Variants in SLC6A7 observed in about 807,000 individuals in gnomAD.
SLC6A7 encodes the protein sodium-dependent proline transporter.
Under a neutral mutation model 73.1 loss-of-function variants are expected in SLC6A7, and 58 were observed. The observed-to-expected ratio is 0.79, with a 90% CI of 0.64 to 0.99. SLC6A7 has a LOEUF of 0.99. Ranked by LOEUF, SLC6A7 falls within the 50% of genes least tolerant of loss-of-function variation. SLC6A7 has a pLI of 0.00. For synonymous variants in SLC6A7, 338 were observed against 338.7 expected (o/e 1.00, Z 0.02); for missense variants, 783 against 831.4 (o/e 0.94, Z 0.72).
At position 150,204,640 on chromosome 5, in the gene SLC6A7, A is replaced by C; in HGVS notation, c.1432+9A>C. The C allele has an allele frequency of 2.5e-6, 4 of 1,590,226 alleles. No homozygotes were observed. The highest frequency in any genetic ancestry group is 3.5e-6 in the Non-Finnish European group (4 of 1,158,134). On this transcript the variant is annotated intron_variant, in intron 11 of 13. Transcript: ENST00000230671. ...CGTGACACGGGTGTATGGTGAGAAG[A>C]GCCGTGGGAAGTGGAGTCGAGCTCT...
At chr5:150,192,729 T>A (rs1455765434) in intron 1 of SLC6A7, among the ~76,000 whole-genome samples, 2 of 152,052 alleles carry the variant, frequency 1.3e-5, no homozygotes, top group Admixed American at 1.3e-4. Context: ...CTAGTCACCA[T>A]GGAAACAGAG....
chr5:150,202,248 C>A, intron 6 of SLC6A7, 99 bp from the exon 7 acceptor site: 2 of 836,212 alleles, frequency 2.4e-6, no homozygotes, highest in Non-Finnish European at 4.1e-6. Context: ...CCCTCGTGAC[C>A]ACGCCATCCC....
chr5:150,205,698 A>G, intron 13 of SLC6A7, 75 bp downstream of exon 13: 2 of 1,303,116 alleles, frequency 1.5e-6, no homozygotes, highest in Non-Finnish European at 2.1e-6. Context: ...GCTAGAACAG[A>G]AAACATATGC....
chr5:150,193,118 T>A (rs910639535), intron 1 of SLC6A7, among the ~76,000 whole-genome samples: 1 of 152,234 alleles, frequency 6.6e-6, no homozygotes, highest in African/African-American at 2.4e-5. Context: ...CCTAGTTACT[T>A]TAAAAACAGC....
At chr5:150,198,099 GAAA>G (rs1330486173) in intron 4 of SLC6A7, among the ~76,000 whole-genome samples, 1,680 of 109,502 alleles carry the variant, frequency 0.015, 34 homozygotes, top group African/African-American at 0.024. Flanking sequence ...AAGAAAGAAA[GAAA>G]GAAAGAAAGA....
At position 150,190,229 on chromosome 5, in the gene SLC6A7, G is replaced by A. The variant is rs1237794054; in HGVS notation, c.-99G>A. 9.5e-7 allele frequency: 1 copy of A among 1,050,528 alleles called. No individual in the cohort carries two copies. The highest frequency in any genetic ancestry group is 1.3e-6 in the Non-Finnish European group (1 of 743,410). 65.1% of individuals were successfully genotyped at this position (1,050,528 alleles called of 1,614,324 possible). ...CGTGCCCGCCCCAGCCGGTGCGCGG[G>A]AGCCGCGGGGGCAAAGGCGCAGTGG... is the stretch of plus-strand genomic sequence containing the variant. On this transcript the variant is annotated 5_prime_UTR_variant, in exon 1 of 14. Coordinates refer to ENST00000230671, the MANE Select transcript of SLC6A7 (RefSeq NM_014228.5).
At chr5:150,195,843 G>A (rs575355894) in intron 2 of SLC6A7, among the ~76,000 whole-genome samples, 1 of 152,170 alleles carries the variant, frequency 6.6e-6, no homozygotes, top group Non-Finnish European at 1.5e-5. Context: ...GACACCCATG[G>A]TGTCTCTCGG....
chr5:150,191,744 A>G (rs1752798133), intron 1 of SLC6A7, among the ~76,000 whole-genome samples: 1 of 151,718 alleles, frequency 6.6e-6, no homozygotes, highest in Non-Finnish European at 1.5e-5. Flanking sequence ...TGTCTTTTTT[A>G]TTCACTGACA....
At chr5:150,195,574 A>G (rs1347269477) in intron 2 of SLC6A7, among the ~76,000 whole-genome samples, 2 of 152,196 alleles carry the variant, frequency 1.3e-5, no homozygotes, top group Non-Finnish European at 2.9e-5. Flanking sequence ...GAGGTAGCTG[A>G]AACTTGAAGA....
chr5:150,191,022 T>C (rs1752759494), intron 1 of SLC6A7, among the ~76,000 whole-genome samples: 1 of 151,930 alleles, frequency 6.6e-6, no homozygotes, highest in South Asian at 2.1e-4. Flanking sequence ...CCTTGCCTTG[T>C]GGGATTGGAC....
At chr5:150,207,326 G>T (rs1753752048) in intron 13 of SLC6A7, among the ~76,000 whole-genome samples, 1 of 152,032 alleles carries the variant, frequency 6.6e-6, no homozygotes, top group African/African-American at 2.4e-5. Flanking sequence ...CGCCATCTGG[G>T]CTCACTGCAA....
chr5:150,202,926 G>A (rs1459477444), intron 8 of SLC6A7, among the ~76,000 whole-genome samples: 8 of 152,194 alleles, frequency 5.3e-5, no homozygotes, highest in African/African-American at 1.9e-4. Flanking sequence ...AATACAAAAA[G>A]TAGCCGGGCG....
At position 150,196,858 on chromosome 5, in the gene SLC6A7, A is replaced by T. The variant is rs1753050378; in HGVS notation, c.349+11A>T. 6.2e-7 allele frequency: 1 copy of T among 1,612,544 alleles called. No individual in the cohort carries two copies. The highest frequency in any genetic ancestry group is 1.1e-5 in the South Asian group (1 of 90,880). ...GCCCTCTCTTCAAAGGTGAGGCCTC[A>T]GTGGTCCCCAGGGAGGGAAGGGCTC... On this transcript the variant is annotated intron_variant, in intron 3 of 13. Coordinates refer to ENST00000230671, the MANE Select transcript of SLC6A7 (RefSeq NM_014228.5).
chr5:150,198,587 C>T (rs536506133), intron 4 of SLC6A7, among the ~76,000 whole-genome samples: 24 of 152,288 alleles, frequency 1.6e-4, no homozygotes, highest in African/African-American at 5.8e-4. Flanking sequence ...AGGATGCAGG[C>T]AGGAGGCCGA....
In SLC6A7 at chr5:150,196,776, T is replaced by C; in HGVS notation, c.278T>C (p.Leu93Pro). Reference sequence around the variant, plus strand: ...ATCTGTGGCATCCCCCTCTTCTTCCTGGAGCTCTCCCTGGGCCAGTTCTCC... The same window carrying C: ...ATCTGTGGCATCCCCCTCTTCTTCCCGGAGCTCTCCCTGGGCCAGTTCTCC... ...LAICGIPLFF[L>P]ELSLGQFSSL... The change falls in exon 3 of 14, where the codon CTG (leucine) becomes CCG (proline). Residue 93 changes from leucine (L) to proline (P), a missense_variant. Leu to Pro is a moderately conservative substitution (Grantham distance 98). Transcript: ENST00000230671. 1 of 1,614,086 alleles carries C rather than the reference T, an allele frequency of 6.2e-7. No individual in the cohort carries two copies. The highest frequency in any genetic ancestry group is 1.7e-4 in the Middle Eastern group (1 of 6,060).
In SLC6A7 at chr5:150,190,335, A is replaced by G. The variant is rs187423639; in HGVS notation, c.8A>G (p.Lys3Arg). Residue 3 changes from lysine (K) to arginine (R), a missense_variant, in exon 1 of 14, where the codon AAG becomes AGG. Transcript: ENST00000230671. MK[K>R]LQGAHLRKPV... ...GGCCACCCGCTCTCCAAGATGAAGA[A>G]GCTCCAGGGAGCTCACCTCCGCAAG... is the stretch of plus-strand genomic sequence containing the variant. 2.7e-3 allele frequency: 4,090 copies of G among 1,508,540 alleles called. 9 individuals carry two copies. Among genetic ancestry groups the G allele is most frequent in the Non-Finnish European group, 3.3e-3 (3,687 of 1,129,942 alleles). The allele number at this position is 1,508,540 out of a possible 1,614,324, so 93.4% of individuals were successfully genotyped here.
intron 5 of SLC6A7, among the ~76,000 whole-genome samples, chr5:150,200,763 A>T (rs1232864168): frequency 6.6e-6 from 1 of 151,926 alleles, no homozygotes; most frequent in Non-Finnish European, 1.5e-5. Context: ...AAGAGGGAGG[A>T]GTGAGTTTGG....
rs146351272 is a variant in SLC6A7, at chr5:150,210,257, G to A, written c.*642G>A. ...TGCAGAGAGAGGAAGAAGAGGGCAG[G>A]GTGGGGAGGAGCTCTGGGCCAGAGG... On this transcript the variant is annotated 3_prime_UTR_variant, in exon 14 of 14. Transcript: ENST00000230671. The A allele has an allele frequency of 1.4e-3, 231 of 160,726 alleles. 6 individuals carry two copies. In the South Asian group the frequency reaches 0.033, roughly 23 times the overall value. The allele number at this position is 160,726 out of a possible 1,614,324, so 10.0% of individuals were successfully genotyped here.
chr5:150,209,629 C>T lies in SLC6A7; in HGVS notation c.*14C>T, dbSNP rs371525029. 6.6e-5 allele frequency: 103 copies of T among 1,571,674 alleles called. No homozygotes were observed. The highest frequency in any genetic ancestry group is 6.9e-5 in the Non-Finnish European group (80 of 1,155,082). On this transcript the variant is annotated 3_prime_UTR_variant, in exon 14 of 14. Transcript: ENST00000230671. ...TCGATGATGTGAGGCAGGAGGCAGG[C>T]GGGCAGAAGGCCCTGCCCGGGACCT... is the stretch of plus-strand genomic sequence containing the variant.
Sources: allele counts gnomAD v4.1 joint callset (sites outside exome capture counted in the v4.1 genomes callset), GRCh38; gene constraint gnomAD v4.1.1; transcripts MANE v1.5; gene names NCBI Gene and HGNC (gene_info 2026-07-23, HGNC 2026-07-21).